The following IL4R variants were observed in gnomAD, a reference collection of about 807,000 sequenced individuals.
IL4R encodes interleukin-4 receptor subunit alpha.
IL4R carries 17 observed loss-of-function variants against 41.5 expected under a neutral mutation model. That is an observed-to-expected ratio of 0.41 (90% confidence interval 0.28 to 0.61). IL4R has a LOEUF of 0.61. Among genes scored for constraint, IL4R ranks in the 20% least tolerant of loss-of-function variants. IL4R has a pLI of 0.31. For missense variants in IL4R, 974 were observed against 1,043.1 expected (o/e 0.93, Z 0.91); for synonymous variants, 402 against 422.9 (o/e 0.95, Z 0.61).
chr16:27,324,765 G>A (rs772639791), intron 1 of IL4R, among the ~76,000 whole-genome samples: 1 of 152,204 alleles, frequency 6.6e-6, no homozygotes, highest in Non-Finnish European at 1.5e-5. Flanking sequence ...GGAGTTGCCT[G>A]TTGACTGTGT....
At position 27,346,611 on chromosome 16, in the gene IL4R, C is replaced by T. The variant is rs145473866; in HGVS notation, c.506C>T (p.Pro169Leu). The change falls in exon 6 of 11, where the codon CCG (proline) becomes CTG (leucine). Residue 169 changes from proline (P) to leucine (L), a missense_variant. Coordinates refer to ENST00000395762, the MANE Select transcript of IL4R (RefSeq NM_000418.4). ...GTCAACATTTGGAGTGAAAACGACC[C>T]GGCAGATGTGAGTGGGCATGCTTTG... is the stretch of plus-strand genomic sequence containing the variant. ...YAVNIWSEND[P>L]ADFRIYNVTY... 137 of 1,613,904 alleles carry T rather than the reference C, an allele frequency of 8.5e-5. No homozygotes were observed. The highest frequency in any genetic ancestry group is 1.6e-4 in the Middle Eastern group (1 of 6,084).
At chr16:27,335,995 A>G (rs1352692668) in intron 2 of IL4R, among the ~76,000 whole-genome samples, 1 of 152,134 alleles carries the variant, frequency 6.6e-6, no homozygotes, top group African/African-American at 2.4e-5. Context: ...TGACATGCAC[A>G]CTGAGGTATT....
At chr16:27,356,551 A>G (rs568116270) in intron 8 of IL4R, among the ~76,000 whole-genome samples, 2 of 152,152 alleles carry the variant, frequency 1.3e-5, no homozygotes, top group Non-Finnish European at 2.9e-5. Flanking sequence ...GGACCAGGAT[A>G]AGGCTCTCCA....
intron 9 of IL4R, chr16:27,359,816 T>C (rs1329872606): frequency 4.4e-6 from 2 of 456,908 alleles, no homozygotes; most frequent in Non-Finnish European, 8.8e-6. Flanking sequence ...ATGTATCAGT[T>C]AGTGTTTGCT....
In IL4R at chr16:27,345,450, C is replaced by T; in HGVS notation, c.361+430C>T. Reference sequence around the variant, plus strand: ...ACCCGGAGTCCCTGCAGGAATCCCCCTTGAGCTTGCTGGGCTGTGGTGACA... The same window carrying T: ...ACCCGGAGTCCCTGCAGGAATCCCCTTTGAGCTTGCTGGGCTGTGGTGACA... On this transcript the variant is annotated intron_variant, in intron 5 of 10. Transcript: ENST00000395762. This position sits in a 1 kb window ranked among gnomAD's most constrained non-coding sequence, Gnocchi z 4.5. 6.0e-6 allele frequency: 2 copies of T among 335,182 alleles called. No homozygotes were observed. The highest frequency in any genetic ancestry group is 2.4e-5 in the South Asian group (1 of 41,292). 20.8% of individuals were successfully genotyped at this position (335,182 alleles called of 1,614,324 possible). A position where few individuals can be genotyped will look rare whatever the true frequency, so the allele number is the denominator to read the frequency against.
rs1462884936 is a variant in IL4R at position 27,363,589 on chromosome 16, G to A, written c.2237G>A (p.Cys746Tyr). 1.5e-5 allele frequency: 24 copies of A among 1,614,092 alleles called. No homozygotes were observed. The highest frequency in any genetic ancestry group is 2.0e-5 in the Non-Finnish European group (24 of 1,180,012). ...GTCATGGCCAGTCCTTGCTGTGGCT[G>A]CTGCTGTGGAGACAGGTCCTCGCCC... ...TPVMASPCCG[C>Y]CCGDRSSPPT... The change falls in exon 11 of 11, where the codon TGC (cysteine) becomes TAC (tyrosine). Residue 746 changes from cysteine to tyrosine, a missense_variant. Physicochemically the swap from Cys to Tyr is radical, Grantham distance 194. Transcript: ENST00000395762.
chr16:27,336,314 T>G (rs1343285701), intron 2 of IL4R, among the ~76,000 whole-genome samples: 1 of 152,114 alleles, frequency 6.6e-6, no homozygotes, highest in African/African-American at 2.4e-5. Context: ...GTGCTCCAAG[T>G]ACTGCTTCTA....
chr16:27,328,022 C>T (rs1474131269), intron 1 of IL4R, among the ~76,000 whole-genome samples: 1 of 151,662 alleles, frequency 6.6e-6, no homozygotes, highest in African/African-American at 2.4e-5. Flanking sequence ...CCATCCTGGC[C>T]AACATGGTGA....
chr16:27,328,544 T>C (rs2085027039), intron 1 of IL4R, among the ~76,000 whole-genome samples: 2 of 152,172 alleles, frequency 1.3e-5, no homozygotes, highest in African/African-American at 4.8e-5. Flanking sequence ...CAGCCTATTA[T>C]TGCTGACTTT....
intron 2 of IL4R, among the ~76,000 whole-genome samples, chr16:27,336,394 G>C (rs1184946374): frequency 6.6e-6 from 1 of 152,058 alleles, no homozygotes; most frequent in Non-Finnish European, 1.5e-5. Context: ...AAGGGAGGAA[G>C]GGCCGGGTAC....
chr16:27,364,119 A>C lies in IL4R; in HGVS notation c.*289A>C, dbSNP rs1002403040. 1 of 384,688 alleles carries C rather than the reference A, an allele frequency of 2.6e-6. No individual in the cohort carries two copies. Among genetic ancestry groups the C allele is most frequent in the South Asian group, 4.9e-5 (1 of 20,208 alleles). 23.8% of individuals were successfully genotyped at this position (384,688 alleles called of 1,614,324 possible). A position where few individuals can be genotyped will look rare whatever the true frequency, so the allele number is the denominator to read the frequency against. On this transcript the variant is annotated 3_prime_UTR_variant, in exon 11 of 11. Transcript: ENST00000395762. ...AAAACTGAGGCCCTTGGGCACCTCG[A>C]CTTGTGAACGAGTTGTTGGCTGCTC...
In IL4R at chr16:27,340,233, C is replaced by A. The variant is rs375986399; in HGVS notation, c.30C>A (p.Phe10Leu). 2 of 1,613,974 alleles carry A rather than the reference C, an allele frequency of 1.2e-6. No homozygotes were observed. Among genetic ancestry groups the A allele is most frequent in the South Asian group, 2.2e-5 (2 of 91,032 alleles). ...GGTGGCTTTGCTCTGGGCTCCTGTT[C>A]CCTGTGAGCTGCCTGGTCCTGCTGC... Reference protein sequence around the residue: MGWLCSGLLFPVSCLVLLQV... With the variant: MGWLCSGLLLPVSCLVLLQV... Residue 10 changes from phenylalanine (F) to leucine (L), a missense_variant, in exon 3 of 11, where the codon TTC becomes TTA. This residue lies in a region of IL4R where 284 missense variants were observed against 313.4 expected (regional missense o/e 0.91). Transcript: ENST00000395762.
intron 1 of IL4R, among the ~76,000 whole-genome samples, chr16:27,323,996 C>T (rs891669858): frequency 1.3e-5 from 2 of 152,122 alleles, no homozygotes; most frequent in Non-Finnish European, 2.9e-5. Flanking sequence ...CTGGTACAAC[C>T]AATGCCAAGG....
At chr16:27,357,095 C>T (rs2086105361) in intron 8 of IL4R, among the ~76,000 whole-genome samples, 1 of 152,122 alleles carries the variant, frequency 6.6e-6, no homozygotes, top group Non-Finnish European at 1.5e-5. Context: ...ACTCTTGGCC[C>T]AGCACACACT....
intron 3 of IL4R, chr16:27,341,290 T>C (rs1442346540): frequency 4.9e-6 from 3 of 613,650 alleles, no homozygotes; most frequent in African/African-American, 1.8e-5. Context: ...ATTTCTGAAA[T>C]GCAGAAGGAT....
chr16:27,328,136 C>T (rs147319893), intron 1 of IL4R, among the ~76,000 whole-genome samples: 2,024 of 141,752 alleles, frequency 0.014, 46 homozygotes, highest in African/African-American at 0.046. Flanking sequence ...CTTGAACCCA[C>T]GCGGAGGTTG....
intron 2 of IL4R, among the ~76,000 whole-genome samples, chr16:27,337,200 G>T (rs557838199): frequency 2.0e-5 from 3 of 151,928 alleles, no homozygotes; most frequent in South Asian, 2.1e-4. Flanking sequence ...AGCCCTGCTG[G>T]GGGGAGGGCC....
intron 7 of IL4R, among the ~76,000 whole-genome samples, chr16:27,353,289 C>G (rs2085942715): frequency 6.6e-6 from 1 of 152,182 alleles, no homozygotes; most frequent in Non-Finnish European, 1.5e-5. Context: ...TACCACTTTA[C>G]TCCCACCTGG....
intron 7 of IL4R, chr16:27,355,581 G>T: frequency 2.0e-6 from 1 of 500,806 alleles, no homozygotes; most frequent in East Asian, 3.6e-5. Flanking sequence ...AAGATCTGGA[G>T]GTGGCACTGA....
Sources: gnomAD v4.1 joint callset for allele counts (sites outside exome capture counted in the v4.1 genomes callset) on GRCh38, gnomAD v4.1.1 for gene constraint, gnomAD v4.1.1 regional missense constraint, Gnocchi (gnomAD v3.1) non-coding constraint, MANE v1.5 for transcripts, NCBI Gene and HGNC (gene_info 2026-07-23, HGNC 2026-07-21) for gene names.